The following PEAR1 variants were observed in gnomAD, a reference collection of about 807,000 sequenced individuals.
PEAR1 encodes multiple EGF-like domains protein 12.
PEAR1 carries 113 observed loss-of-function variants against 131.2 expected under a neutral mutation model. That is an observed-to-expected ratio of 0.86 (90% CI 0.74 to 1.01). PEAR1 has a LOEUF of 1.01. Among genes scored for constraint, PEAR1 ranks in the 50% least tolerant of loss-of-function variants. The pLI, the probability that PEAR1 is intolerant of heterozygous loss-of-function variation, is 0.00. For missense variants in PEAR1, 1,408 were observed against 1,391.1 expected (o/e 1.01, Z -0.19); for synonymous variants, 565 against 523.3 (o/e 1.08, Z -1.09).
intron 1 of PEAR1, among the ~76,000 whole-genome samples, chr1:156,898,902 G>A (rs2102965225): frequency 6.6e-6 from 1 of 152,338 alleles, no homozygotes; most frequent in South Asian, 2.1e-4. Context: ...AGACCAAGAA[G>A]CTGATGAAGG....
Position 156,899,983 on chromosome 1 carries a change from C to T in PEAR1, c.-9-3935C>T, listed in dbSNP as rs554650626. Among the ~76,000 whole-genome samples, 6 of 152,172 alleles carry T rather than the reference C, an allele frequency of 3.9e-5. No individual in the cohort carries two copies. In the South Asian group the frequency reaches 1.2e-3, roughly 32 times the overall value. ...CTCTTGTCCACCAGGAACTCTAATC[C>T]CCCCCACCCCTGCTCCCCTAGAGCC... On this transcript the variant is annotated intron_variant, in intron 1 of 22. Transcript: ENST00000292357.
rs1650568420 is a variant in PEAR1, at chr1:156,908,079, G to C, written c.902+28G>C. ...GAGTGGCGTGGGGCGGGCGGGAGAC[G>C]GGAGGGAGGAGGTGGGGCGCCGCCA... On this transcript the variant is annotated intron_variant, in intron 8 of 22. Coordinates refer to ENST00000292357, the MANE Select transcript of PEAR1 (RefSeq NM_001080471.3). This position sits in a 1 kb window ranked among gnomAD's most constrained non-coding sequence, Gnocchi z 4.2. 1.3e-6 allele frequency: 2 copies of C among 1,572,138 alleles called. No homozygotes were observed. The highest frequency in any genetic ancestry group is 1.2e-5 in the South Asian group (1 of 86,340).
At chr1:156,895,256 C>T (rs781442290) in intron 1 of PEAR1, among the ~76,000 whole-genome samples, 12 of 152,232 alleles carry the variant, frequency 7.9e-5, no homozygotes, top group South Asian at 6.2e-4. Flanking sequence ...ACTCACGCTC[C>T]AGGCAGCCTC....
chr1:156,905,407 G>T lies in PEAR1; in HGVS notation c.290G>T (p.Ser97Ile), dbSNP rs1558130506. The part of the protein sequence containing the change: ...RLQCCHGFYE[S>I]RGFCVPLCAQ... ...CAGTGCTGCCATGGCTTCTATGAGA[G>T]CAGGGGGTTCTGTGTCCGTGAGTCC... Residue 97 changes from serine (S) to isoleucine (I), a missense_variant, in exon 4 of 23, where the codon AGC (serine) becomes ATC (isoleucine). By Grantham distance (142) the Ser-to-Ile change is moderately radical. Coordinates refer to ENST00000292357, the MANE Select transcript of PEAR1 (RefSeq NM_001080471.3). The T allele has an allele frequency of 6.2e-7, 1 of 1,606,070 alleles. No homozygotes were observed. Among genetic ancestry groups the T allele is most frequent in the East Asian group, 2.2e-5 (1 of 44,872 alleles).
intron 15 of PEAR1, among the ~76,000 whole-genome samples, chr1:156,911,037 T>TTTTCTTTCTTTCTTTCTTTTTTTC (rs1651015186): frequency 8.8e-6 from 1 of 113,274 alleles, no homozygotes; most frequent in African/African-American, 3.7e-5. Flanking sequence ...CTTGATTTCT[T>TTTTCTTTCTTTCTTTCTTTTTTTC]TTTCTTTCTT....
At position 156,912,768 on chromosome 1, in the gene PEAR1, A is replaced by G; in HGVS notation, c.2210-2A>G. On this transcript the variant is annotated splice_acceptor_variant, in intron 17 of 22. Coordinates refer to ENST00000292357, the MANE Select transcript of PEAR1 (RefSeq NM_001080471.3). LOFTEE classifies it high-confidence loss of function. ...TCTGAGTGAGCACCCCATTCCACAC[A>G]GGAATCCAGGAGCCCTTTACTGTGA... is the stretch of plus-strand genomic sequence containing the variant. The G allele has an allele frequency of 6.2e-7, 1 of 1,614,120 alleles. No homozygotes were observed. Among genetic ancestry groups the G allele is most frequent in the South Asian group, 1.1e-5 (1 of 91,090 alleles).
chr1:156,906,178 G>C lies in PEAR1; in HGVS notation c.308-98G>C, dbSNP rs77958241. On this transcript the variant is annotated intron_variant, in intron 4 of 22. Transcript: ENST00000292357. Reference sequence around the variant, plus strand: ...AGAATTGGGGCTTGGAGAACTTCAGGTCCCTGGTTTTGGAGGAAGGTGGGG... The same window carrying C: ...AGAATTGGGGCTTGGAGAACTTCAGCTCCCTGGTTTTGGAGGAAGGTGGGG... The C allele has an allele frequency of 1.3e-4, 141 of 1,108,350 alleles. No homozygotes were observed. The East Asian group carries it at 3.4e-3, about 27-fold the overall frequency. 68.7% of individuals were successfully genotyped at this position (1,108,350 alleles called of 1,614,324 possible).
intron 1 of PEAR1, among the ~76,000 whole-genome samples, chr1:156,894,696 C>A (rs1053785678): frequency 1.2e-4 from 18 of 152,234 alleles, no homozygotes; most frequent in Non-Finnish European, 2.5e-4. Context: ...TCTCCAGCCT[C>A]CAGTAGCTGC....
rs556663178 is a variant in PEAR1, at chr1:156,910,237, C to A, written c.1682C>A (p.Ala561Asp). ...RCQCQAGWMGARCHLSCPEGL... is the reference protein window; with the variant it reads ...RCQCQAGWMGDRCHLSCPEGL... Reference sequence around the variant, plus strand: ...ACCCGACTGCTGTCTCCCACAGGTGCCCGCTGCCACCTGTCCTGCCCTGAG... The same window carrying A: ...ACCCGACTGCTGTCTCCCACAGGTGACCGCTGCCACCTGTCCTGCCCTGAG... The change falls in exon 14 of 23, where the codon GCC (alanine) becomes GAC (aspartate). Residue 561 changes from alanine to aspartate, a missense_variant. Coordinates refer to ENST00000292357, the MANE Select transcript of PEAR1 (RefSeq NM_001080471.3). 1.3e-5 allele frequency: 21 copies of A among 1,609,826 alleles called. No homozygotes were observed. The Admixed American group carries it at 2.0e-4, about 15-fold the overall frequency.
At chr1:156,909,685 C>G in intron 11 of PEAR1, 66 bp from the exon 12 acceptor site, 1 of 1,534,026 alleles carries the variant, frequency 6.5e-7, no homozygotes. Context: ...CCAGCCAGCT[C>G]CCACTGTGTG....
intron 11 of PEAR1, 100 bp from the exon 12 acceptor site, chr1:156,909,651 C>G (rs1453863231): frequency 2.2e-6 from 3 of 1,381,608 alleles, no homozygotes; most frequent in Non-Finnish European, 2.9e-6. Flanking sequence ...CCCACCCACC[C>G]CAGCTCATAG....
intron 3 of PEAR1, chr1:156,905,121 A>G (rs1650118253): frequency 2.4e-6 from 3 of 1,237,862 alleles, no homozygotes; most frequent in African/African-American, 3.0e-5. Flanking sequence ...TCTTTTTTTA[A>G]TAGACAAGGT....
intron 3 of PEAR1, 57 bp downstream of exon 3, chr1:156,904,909 T>C (rs754566911): frequency 1.9e-6 from 3 of 1,607,794 alleles, no homozygotes; most frequent in South Asian, 2.2e-5. Flanking sequence ...TGCCTCAGCC[T>C]GGCCCCTGGC....
intron 15 of PEAR1, among the ~76,000 whole-genome samples, chr1:156,911,111 C>CT (rs1558144206): frequency 3.1e-4 from 28 of 91,266 alleles, no homozygotes; most frequent in Non-Finnish European, 2.6e-4. Flanking sequence ...TCTTTCTTTT[C>CT]TTTCTTCTTT....
intron 1 of PEAR1, among the ~76,000 whole-genome samples, chr1:156,894,964 G>A (rs1218825273): frequency 3.3e-5 from 5 of 152,212 alleles, no homozygotes; most frequent in East Asian, 3.9e-4. Flanking sequence ...GGCCTGTTGT[G>A]TGTGCTTGTG....
At chr1:156,905,090 G>GT (rs1650112546) in intron 3 of PEAR1, 1 of 1,283,116 alleles carries the variant, frequency 7.8e-7, no homozygotes, top group South Asian at 1.3e-5. Context: ...GTTGGGGGGG[G>GT]GGCAAGAAGG....
chr1:156,906,767 C>A lies in PEAR1; in HGVS notation c.531C>A (p.Pro177=). Residue 177 remains proline, a synonymous_variant, in exon 6 of 23, where the codon CCC becomes CCA. Transcript: ENST00000292357. ...TGCAGCCCCCGAACTGCCTTCAGCCCTGTACCCCTGGCTACTATGGCCCTG... is the reference window on the plus strand; with the variant it reads ...TGCAGCCCCCGAACTGCCTTCAGCCATGTACCCCTGGCTACTATGGCCCTG... The part of the protein sequence containing the change: ...SGLQPPNCLQ[P]CTPGYYGPAC... 1 of 1,614,266 alleles carries A rather than the reference C, an allele frequency of 6.2e-7. No individual in the cohort carries two copies. Among genetic ancestry groups the A allele is most frequent in the Non-Finnish European group, 8.5e-7 (1 of 1,180,050 alleles).
rs1650365627 is a variant in PEAR1 at position 156,906,775 on chromosome 1, C to T, written c.539C>T (p.Pro180Leu). 1.2e-6 allele frequency: 2 copies of T among 1,614,120 alleles called. No homozygotes were observed. The highest frequency in any genetic ancestry group is 8.5e-7 in the Non-Finnish European group (1 of 1,180,060). Residue 180 changes from proline (P) to leucine (L), a missense_variant, in exon 6 of 23, where the codon CCT (proline) becomes CTT (leucine). Pro to Leu is a moderately conservative substitution (Grantham distance 98). Transcript: ENST00000292357. ...CCGAACTGCCTTCAGCCCTGTACCC[C>T]TGGCTACTATGGCCCTGCCTGCCAG... Reference protein sequence around the residue: ...QPPNCLQPCTPGYYGPACQFR... With the variant: ...QPPNCLQPCTLGYYGPACQFR...
In PEAR1 at chr1:156,908,560, C is replaced by T; in HGVS notation, c.1116-95C>T. ...CTCCCTAGTGACCCCCTTACCCCAG[C>T]GATGTGCGAATCCCACTGACCACGC... is the stretch of plus-strand genomic sequence containing the variant. On this transcript the variant is annotated intron_variant, in intron 9 of 22. Transcript: ENST00000292357. The surrounding 1 kb of genome is among the most constrained non-coding windows in gnomAD (Gnocchi z 4.2). The T allele has an allele frequency of 7.7e-7, 1 of 1,298,398 alleles. No homozygotes were observed. The highest frequency in any genetic ancestry group is 1.0e-6 in the Non-Finnish European group (1 of 969,572). The allele number at this position is 1,298,398 out of a possible 1,614,324, so 80.4% of individuals were successfully genotyped here.
Sources: gnomAD v4.1 joint callset for allele counts (sites outside exome capture counted in the v4.1 genomes callset) on GRCh38, gnomAD v4.1.1 for gene constraint, Gnocchi (gnomAD v3.1) non-coding constraint, MANE v1.5 for transcripts, NCBI Gene and HGNC (gene_info 2026-07-23, HGNC 2026-07-21) for gene names.